The following BIRC5 variants were observed in gnomAD, a reference collection of about 807,000 sequenced individuals.
BIRC5 encodes baculoviral IAP repeat-containing protein 5.
In BIRC5, 8 loss-of-function variants were observed where a neutral mutation model predicts 15.8. The observed-to-expected ratio is 0.51, with a 90% CI of 0.30 to 0.91. The LOEUF (loss-of-function observed/expected upper bound fraction) is 0.91, where lower values mean the gene tolerates loss of function less well. Ranked by LOEUF, BIRC5 falls within the 40% of genes least tolerant of loss-of-function variation. The probability of loss-of-function intolerance (pLI) is 0.07; values close to 1 mark genes in which losing one functional copy is unlikely to be tolerated. For synonymous variants in BIRC5, 56 were observed against 64.5 expected (o/e 0.87, Z 0.63); for missense variants, 163 against 178.6 (o/e 0.91, Z 0.50).
intron 3 of BIRC5, among the ~76,000 whole-genome samples, chr17:78,222,647 A>G (rs984178487): frequency 3.9e-5 from 6 of 152,362 alleles, no homozygotes; most frequent in African/African-American, 1.4e-4. Flanking sequence ...CCAAGGCAAC[A>G]AGAGCGAAAG....
At chr17:78,217,661 T>C (rs894931163) in intron 3 of BIRC5, among the ~76,000 whole-genome samples, 2 of 151,988 alleles carry the variant, frequency 1.3e-5, no homozygotes, top group South Asian at 4.2e-4. Context: ...CACACCCGGC[T>C]AATTTTTTTG....
chr17:78,223,778 C>T lies in BIRC5; in HGVS notation c.*224C>T. The stretch of plus-strand genomic sequence containing the variant: ...GCTGCTGGTAACAGTGGCTGCTTCT[C>T]TCTCTCTCTCTCTTTTTTGGGGGCT... On this transcript the variant is annotated 3_prime_UTR_variant, in exon 4 of 4. Coordinates refer to ENST00000350051, the MANE Select transcript of BIRC5 (RefSeq NM_001168.3). 1 of 877,414 alleles carries T rather than the reference C, an allele frequency of 1.1e-6. No homozygotes were observed. Among genetic ancestry groups the T allele is most frequent in the Non-Finnish European group, 1.6e-6 (1 of 631,712 alleles). The allele number at this position is 877,414 out of a possible 1,614,324, so 54.4% of individuals were successfully genotyped here. A position where few individuals can be genotyped will look rare whatever the true frequency, so the allele number is the denominator to read the frequency against.
At chr17:78,214,559 C>T in intron 1 of BIRC5, 121 bp from the exon 2 acceptor site, 1 of 1,261,828 alleles carries the variant, frequency 7.9e-7, no homozygotes. Context: ...GCCACTGTGG[C>T]TGGGCCCCTT....
intron 3 of BIRC5, among the ~76,000 whole-genome samples, chr17:78,219,111 T>A (rs1407776482): frequency 6.6e-6 from 1 of 152,172 alleles, no homozygotes; most frequent in East Asian, 1.9e-4. Flanking sequence ...ATCCCATGGT[T>A]TCTCAGGTTG....
intron 3 of BIRC5, among the ~76,000 whole-genome samples, chr17:78,221,784 AAG>A (rs1327274636): frequency 6.6e-6 from 1 of 152,204 alleles, no homozygotes; most frequent in African/African-American, 2.4e-5. Context: ...GCTTTTTTGA[AAG>A]AGAAGAAACT....
At chr17:78,214,448 G>A in intron 1 of BIRC5, 21 bp downstream of exon 1, 1 of 1,524,984 alleles carries the variant, frequency 6.6e-7, no homozygotes. Flanking sequence ...CCGGCCTCCT[G>A]GGGTCCCCCA....
chr17:78,223,775 TC>T lies in BIRC5; in HGVS notation c.*222del. 3 of 515,044 alleles carry T rather than the reference TC, an allele frequency of 5.8e-6. No homozygotes were observed. Among genetic ancestry groups the T allele is most frequent in the South Asian group, 1.1e-4 (2 of 17,490 alleles). The allele number at this position is 515,044 out of a possible 1,614,324, so 31.9% of individuals were successfully genotyped here. On this transcript the variant is annotated 3_prime_UTR_variant, in exon 4 of 4. Coordinates refer to ENST00000350051, the MANE Select transcript of BIRC5 (RefSeq NM_001168.3). Reference sequence around the variant, plus strand: ...GGTGCTGCTGGTAACAGTGGCTGCTTCTCTCTCTCTCTCTCTTTTTTGGGGG... The same window carrying T: ...GGTGCTGCTGGTAACAGTGGCTGCTTTCTCTCTCTCTCTCTTTTTTGGGGG...
chr17:78,221,420 T>A (rs1359984720), intron 3 of BIRC5, among the ~76,000 whole-genome samples: 2 of 151,220 alleles, frequency 1.3e-5, no homozygotes, highest in Non-Finnish European at 2.9e-5. Context: ...CTGGCTAATT[T>A]TAAATTTTTT....
intron 3 of BIRC5, among the ~76,000 whole-genome samples, chr17:78,218,552 A>T (rs761557684): frequency 6.7e-6 from 1 of 149,738 alleles, no homozygotes; most frequent in Non-Finnish European, 1.5e-5. Flanking sequence ...AGCCTCCCAG[A>T]GTGCTGGGAT....
In BIRC5 at chr17:78,225,568, T is replaced by C. The variant is rs2076544444; in HGVS notation, c.*2014T>C. The C allele has an allele frequency of 6.6e-6, 1 of 152,338 alleles. No individual in the cohort carries two copies. The highest frequency in any genetic ancestry group is 6.5e-5 in the Admixed American group (1 of 15,292). 9.4% of individuals were successfully genotyped at this position (152,338 alleles called of 1,614,324 possible). A position where few individuals can be genotyped will look rare whatever the true frequency, so the allele number is the denominator to read the frequency against. On this transcript the variant is annotated 3_prime_UTR_variant, in exon 4 of 4. Transcript: ENST00000350051. ...CCAGCAAGCCAAACTGGAGCCCCCA[T>C]TGCAGGCTGTCGCCATGTGGAAAGA...
chr17:78,218,291 T>C (rs2145896497), intron 3 of BIRC5, among the ~76,000 whole-genome samples: 1 of 151,570 alleles, frequency 6.6e-6, no homozygotes, highest in Non-Finnish European at 1.5e-5. Context: ...TATTTATTTA[T>C]TTATTTTTAA....
At position 78,214,324 on chromosome 17, in the gene BIRC5, C is replaced by T; in HGVS notation, c.8C>T (p.Ala3Val). 4 of 1,605,458 alleles carry T rather than the reference C, an allele frequency of 2.5e-6. No homozygotes were observed. The highest frequency in any genetic ancestry group is 3.4e-6 in the Non-Finnish European group (4 of 1,176,994). MGAPTLPPAWQPF... is the reference protein window; with the variant it reads MGVPTLPPAWQPF... Reference sequence around the variant, plus strand: ...AGAGGTGGCGGCGGCGGCATGGGTGCCCCGACGTTGCCCCCTGCCTGGCAG... The same window carrying T: ...AGAGGTGGCGGCGGCGGCATGGGTGTCCCGACGTTGCCCCCTGCCTGGCAG... Residue 3 changes from alanine to valine, a missense_variant, in exon 1 of 4, where the codon GCC becomes GTC. Coordinates refer to ENST00000350051, the MANE Select transcript of BIRC5 (RefSeq NM_001168.3).
chr17:78,223,550 A>G lies in BIRC5; in HGVS notation c.425A>G (p.Asp142Gly), dbSNP rs775321079. 6.2e-7 allele frequency: 1 copy of G among 1,613,896 alleles called. No individual in the cohort carries two copies. Among genetic ancestry groups the G allele is most frequent in the Non-Finnish European group, 8.5e-7 (1 of 1,179,854 alleles). Residue 142 changes from aspartate to glycine, a missense_variant, in exon 4 of 4, where the codon GAT becomes GGT. Asp to Gly is a moderately conservative substitution (Grantham distance 94). Coordinates refer to ENST00000350051, the MANE Select transcript of BIRC5 (RefSeq NM_001168.3). ...GCCATCGAGCAGCTGGCTGCCATGG[A>G]TTGAGGCCTCTGGCCGGAGCTGCCT... is the stretch of plus-strand genomic sequence containing the variant. ...RRAIEQLAAM[D>G]
intron 3 of BIRC5, among the ~76,000 whole-genome samples, chr17:78,222,165 G>T (rs4789558): frequency 0.12 from 18,663 of 150,710 alleles, 1,443 homozygotes; most frequent in East Asian, 0.26. Flanking sequence ...TCTTGCCACT[G>T]CATTCCAGCC....
chr17:78,214,725 G>C lies in BIRC5; in HGVS notation c.157G>C (p.Asp53His), dbSNP rs905488422. The change falls in exon 2 of 4, where the codon GAC becomes CAC. Residue 53 changes from aspartate (D) to histidine (H), a missense_variant. By Grantham distance (81) the Asp-to-His change is moderately conservative. Coordinates refer to ENST00000350051, the MANE Select transcript of BIRC5 (RefSeq NM_001168.3). ...FIHCPTENEP[D>H]LAQCFFCFKE... ...CCACTGCCCCACTGAGAACGAGCCA[G>C]ACTTGGCCCAGTGTTTCTTCTGCTT... The C allele has an allele frequency of 6.2e-7, 1 of 1,612,280 alleles. No homozygotes were observed. The highest frequency in any genetic ancestry group is 1.3e-5 in the African/African-American group (1 of 74,868).
Position 78,215,018 on chromosome 17 carries a change from C to T in BIRC5, c.221+229C>T, listed in dbSNP as rs190716772. On this transcript the variant is annotated intron_variant, in intron 2 of 3. Coordinates refer to ENST00000350051, the MANE Select transcript of BIRC5 (RefSeq NM_001168.3). ...TGGGGTGGACGTAAGATGCCTGATG[C>T]CTTTCATGTTCAACAGAATACATCA... 135 of 482,280 alleles carry T rather than the reference C, an allele frequency of 2.8e-4. No homozygotes were observed. In the East Asian group the frequency reaches 5.3e-3, roughly 19 times the overall value. The allele number at this position is 482,280 out of a possible 1,614,324, so 29.9% of individuals were successfully genotyped here.
intron 3 of BIRC5, among the ~76,000 whole-genome samples, chr17:78,222,047 A>G (rs957598296): frequency 5.9e-5 from 9 of 151,888 alleles, no homozygotes; most frequent in Admixed American, 5.9e-4. Flanking sequence ...AAAATACACA[A>G]AAAATTAGCC....
intron 3 of BIRC5, among the ~76,000 whole-genome samples, chr17:78,218,565 C>G (rs866714542): frequency 6.6e-6 from 1 of 150,426 alleles, no homozygotes; most frequent in Admixed American, 6.7e-5. Context: ...GCTGGGATTA[C>G]AGGCATGAGC....
At chr17:78,220,406 C>A (rs1381444331) in intron 3 of BIRC5, among the ~76,000 whole-genome samples, 1 of 146,918 alleles carries the variant, frequency 6.8e-6, no homozygotes, top group Non-Finnish European at 1.5e-5. Context: ...CCAGCCTGGG[C>A]GACAGAGCGA....
Sources: allele counts gnomAD v4.1 joint callset (sites outside exome capture counted in the v4.1 genomes callset), GRCh38; gene constraint gnomAD v4.1.1; transcripts MANE v1.5; gene names NCBI Gene and HGNC (gene_info 2026-07-23, HGNC 2026-07-21).